RAPH1: variants seen among roughly 807,000 people sequenced by gnomAD.
The protein encoded by RAPH1 is Ras association (RalGDS/AF-6) and pleckstrin homology domains 1.
RAPH1 carries 18 observed loss-of-function variants against 88.1 expected under a neutral mutation model. The ratio of observed to expected loss-of-function variants is 0.20; its 90% CI spans 0.14 to 0.30. The LOEUF is 0.30. RAPH1 is among the 10% of genes least tolerant of loss of function. RAPH1 has a pLI of 1.00. For synonymous variants in RAPH1, 587 were observed against 559.0 expected (o/e 1.05, Z -0.71); for missense variants, 1,448 against 1,543.2 (o/e 0.94, Z 1.03).
At position 203,435,589 on chromosome 2, in the gene RAPH1, C is replaced by T. The variant is rs539118374; in HGVS notation, c.*3848G>A. On this transcript the variant is annotated 3_prime_UTR_variant, in exon 14 of 14. Transcript: ENST00000319170. ...CTTCCCCTAGAAACAGTCACCCTCT[C>T]GTCAAGTGTATGACCCAATTATACC... 305 of 152,032 alleles carry T rather than the reference C, an allele frequency of 2.0e-3. 2 individuals carry two copies. Among genetic ancestry groups the T allele is most frequent in the African/African-American group, 6.9e-3 (287 of 41,442 alleles). The allele number at this position is 152,032 out of a possible 1,614,324, so 9.4% of individuals were successfully genotyped here. A position where few individuals can be genotyped will look rare whatever the true frequency, so the allele number is the denominator to read the frequency against.
chr2:203,483,977 T>A (rs550373734), intron 4 of RAPH1, among the ~76,000 whole-genome samples: 1 of 152,192 alleles, frequency 6.6e-6, no homozygotes, highest in Non-Finnish European at 1.5e-5. Context: ...ACTACCACCA[T>A]CCTAGGGTCT....
Position 203,440,835 on chromosome 2 carries a change from G to A in RAPH1, c.2355C>T (p.Ile785=). ...CAGTCTTGGTGCTGGTTGGTGCGGG[G>A]ATGGTCACAAGGGGTTTTGGGGGAG... ...PQAPPKPLVT[I]PAPTSTKTVA... Residue 785 remains isoleucine, a synonymous_variant, in exon 14 of 14, where the codon ATC becomes ATT. Transcript: ENST00000319170. The A allele has an allele frequency of 6.9e-7, 1 of 1,458,102 alleles. No homozygotes were observed. The highest frequency in any genetic ancestry group is 9.3e-7 in the Non-Finnish European group (1 of 1,073,936). 90.3% of individuals were successfully genotyped at this position (1,458,102 alleles called of 1,614,324 possible). A position where few individuals can be genotyped will look rare whatever the true frequency, so the allele number is the denominator to read the frequency against.
chr2:203,470,656 G>T (rs2098532250), intron 4 of RAPH1, among the ~76,000 whole-genome samples: 2 of 152,184 alleles, frequency 1.3e-5, no homozygotes, highest in African/African-American at 4.8e-5. Flanking sequence ...ACAAATAAAT[G>T]AATGTCAGAG....
At chr2:203,441,483 T>C in intron 13 of RAPH1, 70 bp from the exon 14 acceptor site, 1 of 1,457,370 alleles carries the variant, frequency 6.9e-7, no homozygotes, top group Non-Finnish European at 9.0e-7. Flanking sequence ...AGAGGTAAGC[T>C]TTGATTGTGT....
chr2:203,518,027 A>T (rs968960155), intron 1 of RAPH1, among the ~76,000 whole-genome samples: 1 of 152,138 alleles, frequency 6.6e-6, no homozygotes. Flanking sequence ...AAATCAATGA[A>T]ACCAAAGATG....
At chr2:203,510,917 G>A (rs1038444299) in intron 1 of RAPH1, among the ~76,000 whole-genome samples, 5 of 152,082 alleles carry the variant, frequency 3.3e-5, no homozygotes, top group Admixed American at 3.3e-4. Context: ...TTTAAAAAAA[G>A]AGTAAATATT....
chr2:203,523,284 T>G (rs1689973126), intron 1 of RAPH1, among the ~76,000 whole-genome samples: 1 of 151,290 alleles, frequency 6.6e-6, no homozygotes, highest in Non-Finnish European at 1.5e-5. Context: ...TCCCAGCTAC[T>G]CGGGAGGCTG....
At chr2:203,525,866 C>G (rs556283365) in intron 1 of RAPH1, among the ~76,000 whole-genome samples, 1 of 152,264 alleles carries the variant, frequency 6.6e-6, no homozygotes, top group South Asian at 2.1e-4. Context: ...AGTTATAAAA[C>G]AGGCAAAACT....
intron 1 of RAPH1, among the ~76,000 whole-genome samples, chr2:203,526,589 G>C (rs1262064469): frequency 6.6e-6 from 1 of 151,612 alleles, no homozygotes. Flanking sequence ...GCCGGGTGTG[G>C]TGATGGGCAC....
Position 203,435,735 on chromosome 2 carries a change from C to G in RAPH1, c.*3702G>C, listed in dbSNP as rs760404097. ...GTTAGCTCTGTAGGTATATGAAAAA[C>G]TTTTGGTAATGTACAAAAATAGGAA... is the stretch of plus-strand genomic sequence containing the variant. On this transcript the variant is annotated 3_prime_UTR_variant, in exon 14 of 14. Coordinates refer to ENST00000319170, the MANE Select transcript of RAPH1 (RefSeq NM_213589.3). 10 of 152,126 alleles carry G rather than the reference C, an allele frequency of 6.6e-5. No individual in the cohort carries two copies. Among genetic ancestry groups the G allele is most frequent in the Non-Finnish European group, 1.5e-4 (10 of 68,024 alleles). The allele number at this position is 152,126 out of a possible 1,614,324, so 9.4% of individuals were successfully genotyped here.
chr2:203,448,879 C>G lies in RAPH1; in HGVS notation c.1414-43G>C, dbSNP rs373051198. 1.5e-5 allele frequency: 21 copies of G among 1,390,630 alleles called. No individual in the cohort carries two copies. Among genetic ancestry groups the G allele is most frequent in the Non-Finnish European group, 2.1e-5 (21 of 995,060 alleles). 86.1% of individuals were successfully genotyped at this position (1,390,630 alleles called of 1,614,324 possible). A position where few individuals can be genotyped will look rare whatever the true frequency, so the allele number is the denominator to read the frequency against. ...AAATCCAACTAAGTCCCTTGGAGAACTAAAGAAAAACAAACTTTATCAAAG... is the reference window on the plus strand; with the variant it reads ...AAATCCAACTAAGTCCCTTGGAGAAGTAAAGAAAAACAAACTTTATCAAAG... On this transcript the variant is annotated intron_variant, in intron 10 of 13. Coordinates refer to ENST00000319170, the MANE Select transcript of RAPH1 (RefSeq NM_213589.3). The surrounding 1 kb of genome is among the most constrained non-coding windows in gnomAD (Gnocchi z 4.1).
chr2:203,447,181 C>CT (rs1161851720), intron 12 of RAPH1: 45,575 of 127,954 alleles, frequency 0.36, 8,401 homozygotes, highest in South Asian at 0.52. Context: ...TCTTTTCTTT[C>CT]TTTTTTTTTT....
intron 2 of RAPH1, among the ~76,000 whole-genome samples, chr2:203,494,809 C>CAAAAAAAA (rs1219525479): frequency 2.0e-5 from 1 of 49,530 alleles, no homozygotes; most frequent in Non-Finnish European, 4.3e-5. Context: ...GACTCCGTCT[C>CAAAAAAAA]AAAAAAAAAA....
At chr2:203,441,662 A>G (rs1232693421) in intron 13 of RAPH1, 7 of 1,316,338 alleles carry the variant, frequency 5.3e-6, no homozygotes, top group Non-Finnish European at 6.7e-6. Context: ...CTAACAATCT[A>G]GGAAAAATGT....
rs186228376 is a variant in RAPH1 at position 203,504,870 on chromosome 2, G to A, written c.1-9517C>T. Among the ~76,000 whole-genome samples the A allele has an allele frequency of 1.3e-4, 20 of 152,218 alleles. No individual in the cohort carries two copies. In the East Asian group the frequency reaches 3.5e-3, roughly 26 times the overall value. On this transcript the variant is annotated intron_variant, in intron 1 of 13. Coordinates refer to ENST00000319170, the MANE Select transcript of RAPH1 (RefSeq NM_213589.3). ...TTTCAAAGTTCTACAAATCTCTAGC[G>A]CAGGGGCAAAATGCCGCCAGTGTCT... is the stretch of plus-strand genomic sequence containing the variant.
intron 1 of RAPH1, among the ~76,000 whole-genome samples, chr2:203,505,219 G>A (rs185851994): frequency 8.9e-4 from 136 of 152,248 alleles, no homozygotes; most frequent in African/African-American, 3.1e-3. Flanking sequence ...AGACAAACCT[G>A]AGATTGGGAA....
chr2:203,446,909 TA>T (rs34766351), intron 12 of RAPH1: 21,446 of 133,164 alleles, frequency 0.16, 3,382 homozygotes, highest in African/African-American at 0.42. Context: ...CTGGCTAATT[TA>T]AAAAAAAAAA....
chr2:203,450,451 T>C (rs1307809618), intron 10 of RAPH1, among the ~76,000 whole-genome samples: 1 of 152,212 alleles, frequency 6.6e-6, no homozygotes, highest in Non-Finnish European at 1.5e-5. Flanking sequence ...CACGGTAAAT[T>C]ACATTATAAT....
intron 1 of RAPH1, among the ~76,000 whole-genome samples, chr2:203,501,970 C>G (rs560387809): frequency 8.5e-5 from 13 of 152,304 alleles, no homozygotes; most frequent in Non-Finnish European, 1.8e-4. Context: ...GCTGGGACGA[C>G]AGATATAAGA....
Sources: gnomAD v4.1 joint callset for allele counts (sites outside exome capture counted in the v4.1 genomes callset) on GRCh38, gnomAD v4.1.1 for gene constraint, Gnocchi (gnomAD v3.1) non-coding constraint, MANE v1.5 for transcripts, NCBI Gene and HGNC (gene_info 2026-07-23, HGNC 2026-07-21) for gene names.